The following FOXP1 variants were observed in gnomAD, a reference collection of about 807,000 sequenced individuals.
The protein encoded by FOXP1 is forkhead box protein P1.
FOXP1 carries 15 observed loss-of-function variants against 98.2 expected under a neutral mutation model. The observed-to-expected ratio is 0.15, with a 90% CI of 0.10 to 0.24. The LOEUF is 0.24. Among genes scored for constraint, FOXP1 ranks in the 10% least tolerant of loss-of-function variants. FOXP1 has a pLI of 1.00. For synonymous variants in FOXP1, 371 were observed against 314.5 expected, an observed-to-expected ratio of 1.18 and a Z score of -1.90; for missense variants, 633 against 848.5, an observed-to-expected ratio of 0.75 and a Z score of 3.15.
At chr3:71,221,654 T>G (rs566083006) in intron 5 of FOXP1, among the ~76,000 whole-genome samples, 5 of 152,294 alleles carry the variant, frequency 3.3e-5, no homozygotes, top group Admixed American at 6.5e-5. Flanking sequence ...AGTCTATATA[T>G]AAATATACTC....
intron 10 of FOXP1, among the ~76,000 whole-genome samples, chr3:71,043,583 T>C (rs1451995329): frequency 2.0e-5 from 3 of 152,180 alleles, no homozygotes; most frequent in African/African-American, 7.2e-5. Flanking sequence ...CTGTTGATGA[T>C]GGCATACTGA....
At chr3:71,007,915 C>T (rs1204479597) in intron 12 of FOXP1, among the ~76,000 whole-genome samples, 1 of 152,178 alleles carries the variant, frequency 6.6e-6, no homozygotes, top group African/African-American at 2.4e-5. Flanking sequence ...TCTTCCATTA[C>T]AGCACATATA....
intron 17 of FOXP1, among the ~76,000 whole-genome samples, chr3:70,974,663 G>T (rs2037115944): frequency 6.6e-6 from 1 of 152,208 alleles, no homozygotes; most frequent in Middle Eastern, 3.2e-3. Flanking sequence ...GAACAAAATT[G>T]AGGTGGTATA....
At chr3:71,091,209 C>T (rs981993387) in intron 7 of FOXP1, among the ~76,000 whole-genome samples, 2 of 151,442 alleles carry the variant, frequency 1.3e-5, no homozygotes, top group Non-Finnish European at 2.9e-5. Flanking sequence ...TGAGCTTTAG[C>T]CCAGGCACGG....
At chr3:71,450,094 T>A (rs1269274646) in intron 3 of FOXP1, among the ~76,000 whole-genome samples, 1 of 152,182 alleles carries the variant, frequency 6.6e-6, no homozygotes, top group African/African-American at 2.4e-5. Flanking sequence ...AATAAACAGG[T>A]TTCTAAATAC....
chr3:71,169,362 A>C, intron 6 of FOXP1, among the ~76,000 whole-genome samples: 1 of 152,156 alleles, frequency 6.6e-6, no homozygotes, highest in East Asian at 1.9e-4. Flanking sequence ...ATCCAAGCCT[A>C]ATCAAGCATA....
At chr3:71,029,700 C>T (rs371294690) in intron 11 of FOXP1, among the ~76,000 whole-genome samples, 2 of 152,252 alleles carry the variant, frequency 1.3e-5, no homozygotes, top group South Asian at 4.1e-4. Flanking sequence ...CCATTTTTAA[C>T]AAGTCATGCC....
At chr3:71,364,416 T>C (rs147660780) in intron 3 of FOXP1, among the ~76,000 whole-genome samples, 127 of 152,354 alleles carry the variant, frequency 8.3e-4, no homozygotes, top group African/African-American at 2.8e-3. Context: ...GTAAGGAAGT[T>C]TGATTCCCAC....
rs1462052996 is a variant in FOXP1, at chr3:71,478,055, A to G, written c.-168+15371T>C. On this transcript the variant is annotated intron_variant, in intron 3 of 20. Coordinates refer to ENST00000649528, the MANE Select transcript of FOXP1 (RefSeq NM_001349338.3). ...AGTTCTACTCTCAAAAAAATCTTTA[A>G]AAGTTGGCAAAACATTCATTAGGCT... Among the ~76,000 whole-genome samples the G allele has an allele frequency of 3.3e-5, 5 of 152,356 alleles. No individual in the cohort carries two copies. In the East Asian group the frequency reaches 5.8e-4, roughly 18 times the overall value.
At chr3:71,397,173 T>C (rs952754127) in intron 3 of FOXP1, among the ~76,000 whole-genome samples, 2 of 147,954 alleles carry the variant, frequency 1.4e-5, no homozygotes, top group East Asian at 2.0e-4. Context: ...GAAGCACGTG[T>C]ACCTTTCCCA....
chr3:70,962,868 T>C (rs1314879568), intron 20 of FOXP1, among the ~76,000 whole-genome samples: 1 of 152,220 alleles, frequency 6.6e-6, no homozygotes, highest in East Asian at 1.9e-4. Context: ...ATTTTAGACT[T>C]TGACCAATAT....
At chr3:71,056,103 C>T (rs560995530) in intron 7 of FOXP1, among the ~76,000 whole-genome samples, 114 of 152,264 alleles carry the variant, frequency 7.5e-4, no homozygotes, top group Admixed American at 2.0e-3. Context: ...TGCTCACACA[C>T]GTGTATACAA....
intron 5 of FOXP1, among the ~76,000 whole-genome samples, chr3:71,214,600 C>T (rs1277974749): frequency 6.6e-6 from 1 of 152,190 alleles, no homozygotes; most frequent in Admixed American, 6.5e-5. Flanking sequence ...ACAGGAACAA[C>T]ACTCTAAAAT....
chr3:71,002,024 C>G (rs2107620071), intron 12 of FOXP1, among the ~76,000 whole-genome samples: 1 of 152,280 alleles, frequency 6.6e-6, no homozygotes, highest in Non-Finnish European at 1.5e-5. Flanking sequence ...ACAACAACAA[C>G]AGGGACAGCT....
intron 7 of FOXP1, among the ~76,000 whole-genome samples, chr3:71,077,599 G>A (rs1212646498): frequency 6.6e-6 from 1 of 152,064 alleles, no homozygotes; most frequent in East Asian, 1.9e-4. Flanking sequence ...CCACTTCCCC[G>A]ACTTCCTACA....
chr3:71,446,040 A>AGTGG (rs2086389752), intron 3 of FOXP1, among the ~76,000 whole-genome samples: 1 of 7,918 alleles, frequency 1.3e-4, no homozygotes, highest in Admixed American at 9.8e-4. Flanking sequence ...CTCATAGGTG[A>AGTGG]GTGAGTGAGT....
At chr3:71,011,075 G>A (rs975081187) in intron 12 of FOXP1, among the ~76,000 whole-genome samples, 1 of 152,130 alleles carries the variant, frequency 6.6e-6, no homozygotes, top group African/African-American at 2.4e-5. Context: ...ATTTCCAAGA[G>A]TTAAAATCAT....
chr3:71,082,628 A>C (rs1412207593), intron 7 of FOXP1, among the ~76,000 whole-genome samples: 14 of 32,136 alleles, frequency 4.4e-4, no homozygotes, highest in Non-Finnish European at 9.5e-4. Flanking sequence ...GTATAATAAA[A>C]TAAAAAAAAA....
At position 71,146,760 on chromosome 3, in the gene FOXP1, A is replaced by G. The variant is rs73838185; in HGVS notation, c.181-34123T>C. On this transcript the variant is annotated intron_variant, in intron 6 of 20. Coordinates refer to ENST00000649528, the MANE Select transcript of FOXP1 (RefSeq NM_001349338.3). ...CATAACTAACAATAGTGAGACTCTG[A>G]GGCAGCAACATGGCTAGAACATAGA... Among the ~76,000 whole-genome samples, 1,181 of 152,336 alleles carry G rather than the reference A, an allele frequency of 7.8e-3. 15 individuals carry two copies. Among genetic ancestry groups the G allele is most frequent in the African/African-American group, 0.027 (1,102 of 41,580 alleles).
Sources: allele counts gnomAD v4.1 joint callset (sites outside exome capture counted in the v4.1 genomes callset), GRCh38; gene constraint gnomAD v4.1.1; transcripts MANE v1.5; gene names NCBI Gene and HGNC (gene_info 2026-07-23, HGNC 2026-07-21).